Variants in LRRC20 observed in about 807,000 individuals in gnomAD.
The protein encoded by LRRC20 is leucine rich repeat containing 20.
LRRC20 carries 11 observed loss-of-function variants against 14.4 expected under a neutral mutation model. That is an observed-to-expected ratio of 0.77 (90% CI 0.48 to 1.27). The LOEUF (loss-of-function observed/expected upper bound fraction) is 1.27. Among genes scored for constraint, LRRC20 ranks in the 50% most tolerant of loss-of-function variants. The pLI is 0.00. For synonymous variants in LRRC20, 121 were observed against 107.3 expected, an observed-to-expected ratio of 1.13 and a Z score of -0.79; for missense variants, 219 against 251.2, an observed-to-expected ratio of 0.87 and a Z score of 0.87.
chr10:70,339,751 G>A (rs1396326509), intron 3 of LRRC20, among the ~76,000 whole-genome samples: 4 of 152,180 alleles, frequency 2.6e-5, no homozygotes, highest in African/African-American at 9.7e-5. Flanking sequence ...GCATCTACGA[G>A]GCTCACCTGC....
Position 70,357,551 on chromosome 10 carries a change from C to G in LRRC20, c.83-16849G>C, listed in dbSNP as rs1397134078. 2.6e-5 allele frequency among the ~76,000 whole-genome samples: 4 copies of G among 152,158 alleles called. No individual in the cohort carries two copies. The East Asian group carries it at 7.7e-4, about 29-fold the overall frequency. On this transcript the variant is annotated intron_variant, in intron 2 of 4. Transcript: ENST00000446961. The stretch of plus-strand genomic sequence containing the variant: ...AATCTGACAAAGATGTGCTTCAGCT[C>G]TGTCATCCCTGGAGGAGAGAAATGA...
intron 2 of LRRC20, among the ~76,000 whole-genome samples, chr10:70,343,827 T>C (rs1326793603): frequency 1.3e-5 from 2 of 152,172 alleles, no homozygotes; most frequent in Admixed American, 1.3e-4. Flanking sequence ...ATCAAAGTAA[T>C]GGAAGAAGCT....
At chr10:70,375,967 G>A (rs1844493668) in intron 2 of LRRC20, among the ~76,000 whole-genome samples, 2 of 152,190 alleles carry the variant, frequency 1.3e-5, no homozygotes, top group Admixed American at 1.3e-4. Context: ...AAGAAAAATA[G>A]TGGAGTGTAA....
chr10:70,362,565 C>T (rs150789992), intron 2 of LRRC20, among the ~76,000 whole-genome samples: 1 of 152,386 alleles, frequency 6.6e-6, no homozygotes, highest in African/African-American at 2.4e-5. Flanking sequence ...ACCAGAACCC[C>T]AGCTTCCTCA....
chr10:70,323,717 C>A (rs774316023), intron 4 of LRRC20, 146 bp downstream of exon 4: 5 of 891,628 alleles, frequency 5.6e-6, no homozygotes, highest in Non-Finnish European at 8.4e-6. Context: ...AAATGTCTAC[C>A]TTCCCAGGCC....
chr10:70,322,337 G>T (rs1181699019), intron 4 of LRRC20, among the ~76,000 whole-genome samples: 1 of 152,180 alleles, frequency 6.6e-6, no homozygotes, highest in Non-Finnish European at 1.5e-5. Flanking sequence ...TGCCCCATTT[G>T]GATGAGCAGC....
chr10:70,327,671 C>T (rs1453937468), intron 3 of LRRC20, among the ~76,000 whole-genome samples: 2 of 152,090 alleles, frequency 1.3e-5, no homozygotes, highest in African/African-American at 4.8e-5. Context: ...TGGGGATTTA[C>T]ATGTAATCAT....
intron 2 of LRRC20, among the ~76,000 whole-genome samples, chr10:70,351,127 G>A (rs116132550): frequency 0.042 from 6,316 of 152,004 alleles, 458 homozygotes; most frequent in African/African-American, 0.15. Flanking sequence ...GCTGCAGTGA[G>A]CCGAGATCGT....
At chr10:70,302,172 G>A (rs1841218157) in intron 4 of LRRC20, among the ~76,000 whole-genome samples, 1 of 152,118 alleles carries the variant, frequency 6.6e-6, no homozygotes, top group Non-Finnish European at 1.5e-5. Context: ...ACATTAGCCG[G>A]GCATGGTGGT....
chr10:70,317,444 T>G (rs1330399869), intron 4 of LRRC20, among the ~76,000 whole-genome samples: 1 of 152,092 alleles, frequency 6.6e-6, no homozygotes, highest in African/African-American at 2.4e-5. Context: ...CAATCATAGT[T>G]CATTGCAGCC....
At chr10:70,372,528 A>G (rs10733865) in intron 2 of LRRC20, among the ~76,000 whole-genome samples, 116,987 of 149,080 alleles carry the variant, frequency 0.78, 45,971 homozygotes, top group Admixed American at 0.81. Context: ...TGCAGGCTCC[A>G]CCTCCCAGGT....
At chr10:70,336,104 G>A (rs545394435) in intron 3 of LRRC20, among the ~76,000 whole-genome samples, 1 of 152,312 alleles carries the variant, frequency 6.6e-6, no homozygotes, top group East Asian at 1.9e-4. Flanking sequence ...TGACACGGCT[G>A]CTATCAGGAC....
At chr10:70,342,947 G>A (rs1301839050) in intron 2 of LRRC20, among the ~76,000 whole-genome samples, 1 of 152,144 alleles carries the variant, frequency 6.6e-6, no homozygotes, top group Admixed American at 6.5e-5. Flanking sequence ...AGCCTTTGAC[G>A]ATTGCTCCAA....
chr10:70,380,559 G>A (rs938182917), intron 1 of LRRC20, among the ~76,000 whole-genome samples: 8 of 152,230 alleles, frequency 5.3e-5, no homozygotes, highest in Non-Finnish European at 7.3e-5. Flanking sequence ...GGGCCAGATC[G>A]CCGCTTGGGG....
intron 2 of LRRC20, among the ~76,000 whole-genome samples, chr10:70,353,720 C>A (rs1448206746): frequency 6.6e-6 from 1 of 152,174 alleles, no homozygotes; most frequent in Non-Finnish European, 1.5e-5. Flanking sequence ...AGACACAGAG[C>A]CAGGAGTCTT....
At chr10:70,363,928 C>T (rs2137116570) in intron 2 of LRRC20, among the ~76,000 whole-genome samples, 1 of 152,322 alleles carries the variant, frequency 6.6e-6, no homozygotes, top group Non-Finnish European at 1.5e-5. Flanking sequence ...GAGAGCAGCA[C>T]AGACCCTGCA....
chr10:70,371,560 C>A (rs1252607370), intron 2 of LRRC20, among the ~76,000 whole-genome samples: 4 of 152,040 alleles, frequency 2.6e-5, no homozygotes, highest in Non-Finnish European at 5.9e-5. Context: ...CCTGGCCCCA[C>A]AACCACAGGC....
intron 3 of LRRC20, among the ~76,000 whole-genome samples, chr10:70,330,254 G>A (rs1378300005): frequency 6.6e-6 from 1 of 152,104 alleles, no homozygotes. Flanking sequence ...TCTTCTTTGG[G>A]ATCTTTTTAT....
intron 2 of LRRC20, among the ~76,000 whole-genome samples, chr10:70,353,256 T>C (rs1843387381): frequency 6.6e-6 from 1 of 152,152 alleles, no homozygotes; most frequent in Admixed American, 6.5e-5. Context: ...GTCAAACAAA[T>C]TGTTCTAAGT....
Sources: allele counts gnomAD v4.1 joint callset (sites outside exome capture counted in the v4.1 genomes callset), GRCh38; gene constraint gnomAD v4.1.1; transcripts MANE v1.5; gene names NCBI Gene and HGNC (gene_info 2026-07-23, HGNC 2026-07-21).